DGKH: variants seen among roughly 807,000 people sequenced by gnomAD.
The protein encoded by DGKH is DAG kinase eta.
Under a neutral mutation model 159.3 loss-of-function variants are expected in DGKH, and 90 were observed. The ratio of observed to expected loss-of-function variants is 0.57; its 90% CI spans 0.48 to 0.67. DGKH has a LOEUF of 0.67. DGKH is among the 30% of genes least tolerant of loss of function. The pLI is 0.00. For missense variants in DGKH, 1,181 were observed against 1,506.1 expected, an observed-to-expected ratio of 0.78 and a Z score of 3.57; for synonymous variants, 536 against 553.8, an observed-to-expected ratio of 0.97 and a Z score of 0.45.
intron 7 of DGKH, among the ~76,000 whole-genome samples, chr13:42,160,653 C>T (rs1956157456): frequency 1.3e-5 from 2 of 152,150 alleles, no homozygotes; most frequent in African/African-American, 4.8e-5. Flanking sequence ...ATCATGTAGA[C>T]AGTGGCATGG....
Position 42,190,500 on chromosome 13 carries a change from T to C in DGKH, c.2010T>C (p.Asp670=). The change falls in exon 16 of 30, where the codon GAT becomes GAC. Residue 670 remains aspartate, a synonymous_variant. Transcript: ENST00000337343. ...ATGAATCTAAGGAGGAAGCTAAAGA[T>C]GATGGTGCCAAAGAATCAATAACTG... ...ETDESKEEAK[D]DGAKESITVK... The C allele has an allele frequency of 6.2e-7, 1 of 1,603,548 alleles. No individual in the cohort carries two copies.
Position 42,215,543 on chromosome 13 carries a change from G to T in DGKH, c.3121-32G>T, listed in dbSNP as rs761036237. ...GGTAATGAAATCCTATTTTAATACA[G>T]ATCACATGTCTTTGATATTCTTCTT... On this transcript the variant is annotated intron_variant, in intron 25 of 29. Coordinates refer to ENST00000337343, the MANE Select transcript of DGKH (RefSeq NM_178009.5). 2.6e-6 allele frequency: 4 copies of T among 1,517,202 alleles called. No homozygotes were observed. In the South Asian group the frequency reaches 4.7e-5, roughly 18 times the overall value. 94.0% of individuals were successfully genotyped at this position (1,517,202 alleles called of 1,614,324 possible).
At chr13:42,198,114 T>A (rs997994896) in intron 17 of DGKH, among the ~76,000 whole-genome samples, 1 of 152,208 alleles carries the variant, frequency 6.6e-6, no homozygotes, top group African/African-American at 2.4e-5. Context: ...TTTGGGTAAT[T>A]CCGCCTTTAT....
At chr13:42,060,471 C>A (rs1339850193) in intron 1 of DGKH, among the ~76,000 whole-genome samples, 1 of 152,188 alleles carries the variant, frequency 6.6e-6, no homozygotes, top group African/African-American at 2.4e-5. Flanking sequence ...TCTCCGTATT[C>A]TCAAACTGAA....
In DGKH at chr13:42,235,680, AG is replaced by A. The variant is rs1958399474; in HGVS notation, c.*6493del. On this transcript the variant is annotated 3_prime_UTR_variant, in exon 30 of 30. Coordinates refer to ENST00000337343, the MANE Select transcript of DGKH (RefSeq NM_178009.5). ...CTTACAGTTCTGGTAACTGGTAACT[AG>A]TGCTGTGAAAGGTTTTGGTATTGTA... 1 of 152,172 alleles carries A rather than the reference AG, an allele frequency of 6.6e-6. No homozygotes were observed. Among genetic ancestry groups the A allele is most frequent in the Non-Finnish European group, 1.5e-5 (1 of 68,008 alleles). The allele number at this position is 152,172 out of a possible 1,614,324, so 9.4% of individuals were successfully genotyped here. A position where few individuals can be genotyped will look rare whatever the true frequency, so the allele number is the denominator to read the frequency against.
intron 12 of DGKH, among the ~76,000 whole-genome samples, chr13:42,175,371 A>G (rs1488884524): frequency 6.6e-6 from 1 of 152,244 alleles, no homozygotes; most frequent in Non-Finnish European, 1.5e-5. Flanking sequence ...AATCACTATT[A>G]AAGATTAATA....
chr13:42,164,624 A>G (rs1246400193), intron 7 of DGKH, among the ~76,000 whole-genome samples: 2 of 152,180 alleles, frequency 1.3e-5, no homozygotes, highest in East Asian at 1.9e-4. Flanking sequence ...CACAAACTAA[A>G]TTGCCTGGGT....
At chr13:42,056,965 C>T (rs140640967) in intron 1 of DGKH, among the ~76,000 whole-genome samples, 5 of 152,186 alleles carry the variant, frequency 3.3e-5, no homozygotes, top group African/African-American at 1.2e-4. Context: ...GCATTTGGAT[C>T]CTACGTTTTT....
Position 42,236,587 on chromosome 13 carries a change from C to T in DGKH, c.*7399C>T, listed in dbSNP as rs1470100896. The T allele has an allele frequency of 6.6e-6, 1 of 152,102 alleles. No homozygotes were observed. The highest frequency in any genetic ancestry group is 1.5e-5 in the Non-Finnish European group (1 of 68,012). 9.4% of individuals were successfully genotyped at this position (152,102 alleles called of 1,614,324 possible). A position where few individuals can be genotyped will look rare whatever the true frequency, so the allele number is the denominator to read the frequency against. ...TTCTCAGTTTTAGTTGAAGAGAGATCTCAGTGATTGTACTGCCAATATGAC... is the reference window on the plus strand; with the variant it reads ...TTCTCAGTTTTAGTTGAAGAGAGATTTCAGTGATTGTACTGCCAATATGAC... On this transcript the variant is annotated 3_prime_UTR_variant, in exon 30 of 30. Coordinates refer to ENST00000337343, the MANE Select transcript of DGKH (RefSeq NM_178009.5).
At chr13:42,043,340 T>C (rs893551638) in intron 1 of DGKH, among the ~76,000 whole-genome samples, 1 of 152,178 alleles carries the variant, frequency 6.6e-6, no homozygotes, top group Non-Finnish European at 1.5e-5. Context: ...AGTTTTTTTT[T>C]AATTTAAAAA....
intron 13 of DGKH, among the ~76,000 whole-genome samples, chr13:42,186,829 AG>A (rs1956940113): frequency 6.6e-6 from 1 of 152,348 alleles, no homozygotes; most frequent in African/African-American, 2.4e-5. Context: ...CTATAATTTA[AG>A]TAATATACAG....
intron 5 of DGKH, among the ~76,000 whole-genome samples, chr13:42,156,804 A>G (rs1791979119): frequency 6.6e-6 from 1 of 152,172 alleles, no homozygotes; most frequent in Non-Finnish European, 1.5e-5. Context: ...GTGATATGTC[A>G]TTGTTTCAAC....
At position 42,242,259 on chromosome 13, in the gene DGKH, G is replaced by A. The variant is rs1164789564; in HGVS notation, c.*13071G>A. On this transcript the variant is annotated 3_prime_UTR_variant, in exon 30 of 30. Coordinates refer to ENST00000337343, the MANE Select transcript of DGKH (RefSeq NM_178009.5). ...CCTTTTGTCCCTTACATTGGAAAAG[G>A]TATTTTAAATTTAGCCTTGCCGTAT... 1 of 152,166 alleles carries A rather than the reference G, an allele frequency of 6.6e-6. No individual in the cohort carries two copies. Among genetic ancestry groups the A allele is most frequent in the Non-Finnish European group, 1.5e-5 (1 of 68,016 alleles). The allele number at this position is 152,166 out of a possible 1,614,324, so 9.4% of individuals were successfully genotyped here.
At chr13:42,204,820 C>T (rs1324510457) in intron 20 of DGKH, among the ~76,000 whole-genome samples, 1 of 152,150 alleles carries the variant, frequency 6.6e-6, no homozygotes, top group African/African-American at 2.4e-5. Context: ...AATATTGGTA[C>T]TCTTGACATT....
At chr13:42,115,618 G>T (rs953663341) in intron 1 of DGKH, among the ~76,000 whole-genome samples, 2 of 152,184 alleles carry the variant, frequency 1.3e-5, no homozygotes, top group African/African-American at 4.8e-5. Context: ...GGGAAGCATG[G>T]TGTATTTGGG....
At chr13:42,057,490 A>C (rs1166622074) in intron 1 of DGKH, among the ~76,000 whole-genome samples, 1 of 152,186 alleles carries the variant, frequency 6.6e-6, no homozygotes, top group Non-Finnish European at 1.5e-5. Flanking sequence ...ATTTATAAGA[A>C]TATATAATAT....
rs982958223 is a variant in DGKH, at chr13:42,143,643, G to A, written c.385-11648G>A. ...TTCGTCTTGGGAGGGTGTATGTGTC[G>A]AGGAATTTATCCATTTCTTCTAGAT... On this transcript the variant is annotated intron_variant, in intron 3 of 29. Coordinates refer to ENST00000337343, the MANE Select transcript of DGKH (RefSeq NM_178009.5). 3.9e-5 allele frequency among the ~76,000 whole-genome samples: 6 copies of A among 152,024 alleles called. No homozygotes were observed. The South Asian group carries it at 6.2e-4, about 16-fold the overall frequency.
Position 42,124,680 on chromosome 13 carries a change from C to T in DGKH, c.193-2783C>T, listed in dbSNP as rs117435115. ...TGATAGAAGATAACTTATTCCCATCCCTGTATATTAAGCTGGTACCATGTG... is the reference window on the plus strand; with the variant it reads ...TGATAGAAGATAACTTATTCCCATCTCTGTATATTAAGCTGGTACCATGTG... On this transcript the variant is annotated intron_variant, in intron 1 of 29. Transcript: ENST00000337343. 3.4e-3 allele frequency among the ~76,000 whole-genome samples: 515 copies of T among 152,098 alleles called. 2 individuals carry two copies. Among genetic ancestry groups the T allele is most frequent in the Non-Finnish European group, 5.0e-3 (337 of 67,994 alleles).
At chr13:42,215,983 T>C (rs1957783261) in intron 26 of DGKH, among the ~76,000 whole-genome samples, 1 of 152,202 alleles carries the variant, frequency 6.6e-6, no homozygotes, top group Non-Finnish European at 1.5e-5. Flanking sequence ...AGGTACTTAT[T>C]ATTGCACACA....
Sources: gnomAD v4.1 joint callset for allele counts (sites outside exome capture counted in the v4.1 genomes callset) on GRCh38, gnomAD v4.1.1 for gene constraint, MANE v1.5 for transcripts, NCBI Gene and HGNC (gene_info 2026-07-23, HGNC 2026-07-21) for gene names.